The following ZFYVE26 variants were observed in gnomAD, a reference collection of about 807,000 sequenced individuals.
The protein encoded by ZFYVE26 is zinc finger FYVE domain-containing protein 26.
Under a neutral mutation model 276.5 loss-of-function variants are expected in ZFYVE26, and 181 were observed. The ratio of observed to expected loss-of-function variants is 0.65; its 90% confidence interval spans 0.58 to 0.74. The LOEUF is 0.74. Among genes scored for constraint, ZFYVE26 ranks in the 30% least tolerant of loss-of-function variants. The probability of loss-of-function intolerance (pLI) is 0.00; values close to 1 mark genes in which losing one functional copy is unlikely to be tolerated. For synonymous variants in ZFYVE26, 1,129 were observed against 1,203.1 expected (o/e 0.94, Z 1.27); for missense variants, 2,821 against 3,097.9 (o/e 0.91, Z 2.12).
intron 24 of ZFYVE26, 67 bp from the exon 25 acceptor site, chr14:67,777,802 T>C: frequency 1.3e-6 from 2 of 1,584,772 alleles, no homozygotes; most frequent in Non-Finnish European, 1.7e-6. Flanking sequence ...CTTTGTTTTG[T>C]TTGAGAATAG....
At chr14:67,793,798 G>A (rs770769590) in intron 13 of ZFYVE26, 39 bp from the exon 14 acceptor site, 10 of 1,613,026 alleles carry the variant, frequency 6.2e-6, no homozygotes, top group Non-Finnish European at 8.5e-6. Flanking sequence ...AGAGAAGCAA[G>A]AGGAATTAAG....
chr14:67,769,241 AT>A (rs1428231018), intron 29 of ZFYVE26, among the ~76,000 whole-genome samples: 1 of 152,194 alleles, frequency 6.6e-6, no homozygotes, highest in African/African-American at 2.4e-5. Flanking sequence ...GAACATGTCC[AT>A]TTGAGTCCAG....
chr14:67,805,840 C>A (rs909111617), intron 6 of ZFYVE26, among the ~76,000 whole-genome samples: 13 of 152,092 alleles, frequency 8.5e-5, no homozygotes, highest in Admixed American at 8.5e-4. Flanking sequence ...ACCAGCCTGG[C>A]CAACATGGGG....
At chr14:67,756,550 C>A (rs1381151142) in intron 35 of ZFYVE26, 1 of 210,856 alleles carries the variant, frequency 4.7e-6, no homozygotes, top group African/African-American at 2.3e-5. Flanking sequence ...ACAGAGATGG[C>A]TTCTTCCTCC....
At chr14:67,738,401 AATATACTT>A (rs2038376502) in intron 13 of ZFYVE26, among the ~76,000 whole-genome samples, 1 of 148,502 alleles carries the variant, frequency 6.7e-6, no homozygotes, top group African/African-American at 2.4e-5. Context: ...TACTTATAGA[AATATACTT>A]ATATACTTAT....
chr14:67,798,958 G>A (rs1006922311), intron 10 of ZFYVE26: 43 of 1,133,910 alleles, frequency 3.8e-5, no homozygotes, highest in Non-Finnish European at 5.2e-5. Context: ...TCGCGCCGCG[G>A]TTTCGGTGGG....
In ZFYVE26 at chr14:67,783,306, A is replaced by C. The variant is rs1057523453; in HGVS notation, c.3846T>G (p.Pro1282=). The C allele has an allele frequency of 6.2e-7, 1 of 1,613,160 alleles. No homozygotes were observed. Among genetic ancestry groups the C allele is most frequent in the Non-Finnish European group, 8.5e-7 (1 of 1,179,280 alleles). Residue 1282 remains proline, a synonymous_variant, in exon 21 of 42, where the codon CCT becomes CCG. Coordinates refer to ENST00000347230, the MANE Select transcript of ZFYVE26 (RefSeq NM_015346.4). The part of the protein sequence containing the change: ...TPSSPRTTEN[P]TLERKPYSSP... ...AGGAGTAGGGCTTTCTTTCCAATGT[A>C]GGGTTCTCAGTTGTCCTCGGGGAGC...
At chr14:67,777,534 C>T (rs1248750656) in intron 25 of ZFYVE26, 25 bp downstream of exon 25, 1 of 1,612,956 alleles carries the variant, frequency 6.2e-7, no homozygotes, top group East Asian at 2.2e-5. Flanking sequence ...ACATACAGCG[C>T]CTGGATTTCA....
chr14:67,744,962 G>C (rs1010016947), downstream of ZFYVE26, among the ~76,000 whole-genome samples: 1 of 152,092 alleles, frequency 6.6e-6, no homozygotes, highest in Non-Finnish European at 1.5e-5. Flanking sequence ...TGGTATTTCT[G>C]GTTCTAGGTC....
intron 32 of ZFYVE26, among the ~76,000 whole-genome samples, chr14:67,765,434 C>T (rs2039030932): frequency 2.0e-5 from 3 of 152,246 alleles, no homozygotes; most frequent in South Asian, 2.1e-4. Flanking sequence ...GCTAGGAAGT[C>T]GTGAAGCTGG....
intron 21 of ZFYVE26, among the ~76,000 whole-genome samples, 183 bp from the exon 22 acceptor site, chr14:67,781,712 C>T (rs2039505799): frequency 6.6e-6 from 1 of 152,126 alleles, no homozygotes; most frequent in Admixed American, 6.5e-5. Flanking sequence ...AAGGAAAATG[C>T]TGTATCTCTA....
At chr14:67,797,827 G>A in intron 11 of ZFYVE26, 72 bp from the exon 12 acceptor site, 1 of 1,593,318 alleles carries the variant, frequency 6.3e-7, no homozygotes, top group Non-Finnish European at 8.6e-7. Flanking sequence ...TGGCATAACA[G>A]GTTGGGGAAG....
intron 32 of ZFYVE26, among the ~76,000 whole-genome samples, chr14:67,765,050 C>A (rs1450806143): frequency 2.0e-5 from 3 of 151,820 alleles, no homozygotes; most frequent in Non-Finnish European, 4.4e-5. Flanking sequence ...CTCCTCCTAT[C>A]CTTTTCTCAT....
intron 34 of ZFYVE26, 112 bp downstream of exon 34, chr14:67,762,091 G>T: frequency 2.2e-6 from 3 of 1,333,516 alleles, no homozygotes; most frequent in Non-Finnish European, 3.2e-6. Flanking sequence ...CCTGCTTGAT[G>T]CTGAGCCAGG....
At chr14:67,806,444 C>T in intron 6 of ZFYVE26, 101 bp downstream of exon 6, 2 of 1,488,890 alleles carry the variant, frequency 1.3e-6, no homozygotes, top group Non-Finnish European at 1.9e-6. Context: ...ACTAATTAGA[C>T]TGCTTTATGG....
rs776831906 is a variant in ZFYVE26 at position 67,797,701 on chromosome 14, C to T, written c.2303G>A (p.Arg768Gln). ...QPATRHPSLRRGRRTRRSQAD... is the reference protein window; with the variant it reads ...QPATRHPSLRQGRRTRRSQAD... ...CTGGCTCCTTCTTGTCCGACGACCC[C>T]GGCGGAGACTGGGGTGACGTGTGGC... Residue 768 changes from arginine (R) to glutamine (Q), a missense_variant, in exon 12 of 42, where the codon CGG becomes CAG. Arg to Gln is a conservative substitution (Grantham distance 43). Transcript: ENST00000347230. The T allele has an allele frequency of 1.4e-5, 22 of 1,614,026 alleles. No homozygotes were observed. Among genetic ancestry groups the T allele is most frequent in the South Asian group, 7.7e-5 (7 of 91,084 alleles).
intron 30 of ZFYVE26, among the ~76,000 whole-genome samples, chr14:67,768,172 A>G (rs1208920815): frequency 1.3e-5 from 2 of 152,210 alleles, no homozygotes; most frequent in African/African-American, 4.8e-5. Context: ...TACAGGCCAA[A>G]CTGTTAACAG....
At chr14:67,772,317 A>G in intron 27 of ZFYVE26, 107 bp from the exon 28 acceptor site, 1 of 1,278,232 alleles carries the variant, frequency 7.8e-7, no homozygotes, top group Non-Finnish European at 1.1e-6. Context: ...TATTGAAAGA[A>G]TAGATCCAGT....
At chr14:67,756,443 TTG>T in intron 35 of ZFYVE26, 1 of 452,686 alleles carries the variant, frequency 2.2e-6, no homozygotes, top group Non-Finnish European at 4.1e-6. Context: ...ATAATTCCCA[TTG>T]AAACTGCCCC....
Sources: gnomAD v4.1 joint callset for allele counts (sites outside exome capture counted in the v4.1 genomes callset) on GRCh38, gnomAD v4.1.1 for gene constraint, MANE v1.5 for transcripts, NCBI Gene and HGNC (gene_info 2026-07-23, HGNC 2026-07-21) for gene names.